Variants in EXOC2 observed in about 807,000 individuals in gnomAD.
The protein encoded by EXOC2 is SEC5-like 1.
In EXOC2, 70 loss-of-function variants were observed where a neutral mutation model predicts 131.8. The ratio of observed to expected loss-of-function variants is 0.53; its 90% CI spans 0.44 to 0.65. The LOEUF is 0.65. EXOC2 is among the 30% of genes least tolerant of loss of function. The probability of loss-of-function intolerance (pLI) is 0.00; values close to 1 mark genes in which losing one functional copy is unlikely to be tolerated. For synonymous variants in EXOC2, 411 were observed against 398.4 expected, an observed-to-expected ratio of 1.03 and a Z score of -0.38; for missense variants, 923 against 1,108.6, an observed-to-expected ratio of 0.83 and a Z score of 2.38.
intron 13 of EXOC2, among the ~76,000 whole-genome samples, chr6:571,300 C>T (rs1274264886): frequency 2.0e-5 from 3 of 152,186 alleles, no homozygotes; most frequent in African/African-American, 4.8e-5. Flanking sequence ...TGTGCTTACA[C>T]GATTGGTTTT....
intron 7 of EXOC2, among the ~76,000 whole-genome samples, chr6:602,515 A>G (rs4960094): frequency 0.22 from 6,244 of 28,486 alleles, 799 homozygotes; most frequent in African/African-American, 0.25. Context: ...CACCAAGAAC[A>G]CCCAATTTTA....
intron 1 of EXOC2, among the ~76,000 whole-genome samples, chr6:655,318 A>T (rs1179205169): frequency 1.3e-5 from 2 of 152,264 alleles, no homozygotes; most frequent in Non-Finnish European, 2.9e-5. Context: ...GAAGTATTTT[A>T]AAATTAAGAT....
At chr6:496,073 TCCG>T (rs1271912796) in intron 25 of EXOC2, among the ~76,000 whole-genome samples, 22 of 152,078 alleles carry the variant, frequency 1.4e-4, no homozygotes. Context: ...TTTCTATTTC[TCCG>T]CCGAGATTTC....
chr6:610,662 C>T (rs969596220), intron 6 of EXOC2, among the ~76,000 whole-genome samples: 2 of 152,210 alleles, frequency 1.3e-5, no homozygotes, highest in African/African-American at 4.8e-5. Context: ...AAATCTGAAA[C>T]ATTGCTGGGT....
At chr6:628,007 A>G (rs1231922218) in intron 4 of EXOC2, among the ~76,000 whole-genome samples, 2 of 152,216 alleles carry the variant, frequency 1.3e-5, no homozygotes, top group Non-Finnish European at 1.5e-5. Flanking sequence ...AACTTTTCCT[A>G]TGTGGCAGAA....
At chr6:665,054 C>A (rs143605059) in intron 1 of EXOC2, among the ~76,000 whole-genome samples, 154 of 152,038 alleles carry the variant, frequency 1.0e-3, no homozygotes, top group African/African-American at 3.5e-3. Context: ...GGACTAATAC[C>A]CAGAATCTAC....
chr6:487,476 G>T (rs113823291), intron 27 of EXOC2, among the ~76,000 whole-genome samples: 1 of 151,868 alleles, frequency 6.6e-6, no homozygotes, highest in Non-Finnish European at 1.5e-5. Context: ...GCGCGATTTC[G>T]GCTCACTGCA....
chr6:553,980 T>G (rs1015667408), intron 20 of EXOC2, 60 bp from the exon 21 acceptor site: 10 of 1,293,202 alleles, frequency 7.7e-6, no homozygotes, highest in Non-Finnish European at 1.1e-5. Flanking sequence ...AAAAATGCAA[T>G]GAACTATACG....
intron 23 of EXOC2, among the ~76,000 whole-genome samples, chr6:508,508 C>T (rs1001351241): frequency 2.6e-5 from 4 of 152,216 alleles, no homozygotes; most frequent in African/African-American, 9.6e-5. Context: ...ATAGTTTCTC[C>T]TGTTACAGAG....
intron 23 of EXOC2, among the ~76,000 whole-genome samples, chr6:503,672 G>A (rs1476197943): frequency 6.6e-6 from 1 of 152,170 alleles, no homozygotes; most frequent in East Asian, 1.9e-4. Context: ...TCCTTAAACG[G>A]TTAAAGAATA....
At chr6:536,881 C>A (rs565713955) in intron 22 of EXOC2, among the ~76,000 whole-genome samples, 1 of 152,134 alleles carries the variant, frequency 6.6e-6, no homozygotes, top group Non-Finnish European at 1.5e-5. Flanking sequence ...AAACAGCAAG[C>A]CATGAACTGA....
chr6:595,093 T>C (rs1456714253), intron 10 of EXOC2, among the ~76,000 whole-genome samples: 1 of 151,898 alleles, frequency 6.6e-6, no homozygotes, highest in Non-Finnish European at 1.5e-5. Context: ...GAAAGGAATA[T>C]GCAGAGCTTT....
At chr6:556,630 C>T (rs1452271120) in intron 17 of EXOC2, 66 bp from the exon 18 acceptor site, 2 of 1,551,620 alleles carry the variant, frequency 1.3e-6, no homozygotes, top group Non-Finnish European at 1.8e-6. Context: ...ATGTTTAACA[C>T]AAGCGAATAT....
At position 556,466 on chromosome 6, in the gene EXOC2, C is replaced by T. The variant is rs752038167; in HGVS notation, c.1932+18G>A. 24 of 1,612,490 alleles carry T rather than the reference C, an allele frequency of 1.5e-5. No individual in the cohort carries two copies. Among genetic ancestry groups the T allele is most frequent in the Middle Eastern group, 1.7e-4 (1 of 5,974 alleles). ...GCTCCCTGGGAAACTGGAGTCCAAG[C>T]GGAGCTGGAATACTTACACTGGCCT... is the stretch of plus-strand genomic sequence containing the variant. On this transcript the variant is annotated intron_variant, in intron 18 of 27. Coordinates refer to ENST00000230449, the MANE Select transcript of EXOC2 (RefSeq NM_018303.6).
chr6:670,003 C>A (rs1334447241), intron 1 of EXOC2: 1 of 152,186 alleles, frequency 6.6e-6, no homozygotes, highest in East Asian at 1.9e-4. Context: ...TATATACCTA[C>A]TTTGGAAGCT....
intron 1 of EXOC2, among the ~76,000 whole-genome samples, chr6:646,691 A>G (rs922284653): frequency 1.3e-5 from 2 of 152,242 alleles, no homozygotes; most frequent in African/African-American, 4.8e-5. Context: ...TAAAGATACT[A>G]GGTAATTTAA....
At chr6:681,776 C>A (rs141904712) in intron 1 of EXOC2, among the ~76,000 whole-genome samples, 8 of 152,350 alleles carry the variant, frequency 5.3e-5, no homozygotes, top group African/African-American at 1.9e-4. Context: ...CAGAAATGCA[C>A]TTGGAAATAG....
At chr6:669,398 T>C (rs1260785468) in intron 1 of EXOC2, 1 of 152,458 alleles carries the variant, frequency 6.6e-6, no homozygotes, top group Non-Finnish European at 1.5e-5. Context: ...GGACACACCC[T>C]AGGAACAGTT....
intron 1 of EXOC2, among the ~76,000 whole-genome samples, chr6:677,280 G>C (rs538001550): frequency 6.6e-6 from 1 of 151,110 alleles, no homozygotes; most frequent in Non-Finnish European, 1.5e-5. Flanking sequence ...CGACTCTGTG[G>C]TTTCCCATAT....
Sources: allele counts gnomAD v4.1 joint callset (sites outside exome capture counted in the v4.1 genomes callset), GRCh38; gene constraint gnomAD v4.1.1; transcripts MANE v1.5; gene names NCBI Gene and HGNC (gene_info 2026-07-23, HGNC 2026-07-21).